ANKRD55: variants seen among roughly 807,000 people sequenced by gnomAD.
The protein encoded by ANKRD55 is ankyrin repeat domain 55, also known as ankyrin repeat domain-containing protein 55.
In ANKRD55, 41 loss-of-function variants were observed where a neutral mutation model predicts 60.6. The ratio of observed to expected loss-of-function variants is 0.68; its 90% CI spans 0.53 to 0.88. The LOEUF is 0.88. Ranked by LOEUF, ANKRD55 falls within the 40% of genes least tolerant of loss-of-function variation. The pLI, the probability that ANKRD55 is intolerant of heterozygous loss-of-function variation, is 0.00. For missense variants in ANKRD55, 732 were observed against 767.6 expected (o/e 0.95, Z 0.55); for synonymous variants, 264 against 290.3 (o/e 0.91, Z 0.92).
intron 5 of ANKRD55, among the ~76,000 whole-genome samples, chr5:56,167,633 G>A (rs1486248584): frequency 2.0e-5 from 3 of 152,202 alleles, no homozygotes. Flanking sequence ...TTCAGAATCA[G>A]TTAAGGGCTT....
At position 56,135,278 on chromosome 5, in the gene ANKRD55, CCCTGCCTGCCTGCTTG is replaced by C. The variant is rs1250885481; in HGVS notation, c.613-8188_613-8173del. On this transcript the variant is annotated intron_variant, in intron 7 of 11. Coordinates refer to ENST00000341048, the MANE Select transcript of ANKRD55 (RefSeq NM_024669.3). Reference sequence around the variant, plus strand: ...TCCTTCCTTCTTTCCCTCCCTCCCTCCCTGCCTGCCTGCTTGCTTTCTTTCTTTCTTTCTTTCTTTC... The same window carrying C: ...TCCTTCCTTCTTTCCCTCCCTCCCTCCTTTCTTTCTTTCTTTCTTTCTTTC... Among the ~76,000 whole-genome samples the C allele has an allele frequency of 3.0e-3, 230 of 77,026 alleles. 8 individuals are homozygous for C. Among genetic ancestry groups the C allele is most frequent in the Admixed American group, 0.017 (127 of 7,694 alleles). 50.5% of individuals were successfully genotyped at this position (77,026 alleles called of 152,430 possible).
At chr5:56,198,535 T>G (rs1759280681) in intron 2 of ANKRD55, among the ~76,000 whole-genome samples, 1 of 152,024 alleles carries the variant, frequency 6.6e-6, no homozygotes. Context: ...TCCGCCTGCC[T>G]CAGCCTCCCA....
chr5:56,178,925 CT>C (rs1404069946), intron 3 of ANKRD55, among the ~76,000 whole-genome samples: 6 of 124,106 alleles, frequency 4.8e-5, no homozygotes, highest in Admixed American at 7.7e-5. Flanking sequence ...ATTTGGGAAA[CT>C]CTTACATACT....
intron 8 of ANKRD55, among the ~76,000 whole-genome samples, chr5:56,118,548 G>A (rs560558244): frequency 4.0e-5 from 6 of 151,148 alleles, no homozygotes; most frequent in East Asian, 2.0e-4. Context: ...GGTGTGAACC[G>A]GGGAGGCAGA....
At chr5:56,105,377 G>A (rs1309041218) in intron 10 of ANKRD55, among the ~76,000 whole-genome samples, 5 of 152,150 alleles carry the variant, frequency 3.3e-5, no homozygotes, top group African/African-American at 1.2e-4. Context: ...GTGAGCCACC[G>A]TGCCCGGCCA....
At chr5:56,123,781 G>A (rs1757150414) in intron 8 of ANKRD55, among the ~76,000 whole-genome samples, 1 of 152,148 alleles carries the variant, frequency 6.6e-6, no homozygotes, top group Non-Finnish European at 1.5e-5. Flanking sequence ...AACGAGGGGA[G>A]CATATAGATA....
At chr5:56,174,905 A>G (rs1364476245) in intron 4 of ANKRD55, among the ~76,000 whole-genome samples, 4 of 151,752 alleles carry the variant, frequency 2.6e-5, no homozygotes, top group African/African-American at 9.7e-5. Flanking sequence ...CAACTACCCC[A>G]GTCCTGCTCC....
intron 7 of ANKRD55, among the ~76,000 whole-genome samples, chr5:56,140,937 C>A (rs140401619): frequency 1.3e-5 from 2 of 151,948 alleles, no homozygotes; most frequent in African/African-American, 4.8e-5. Flanking sequence ...GTGGTGTGTG[C>A]CTGTAATTCC....
At chr5:56,172,528 A>C (rs2111816075) in intron 4 of ANKRD55, among the ~76,000 whole-genome samples, 1 of 152,292 alleles carries the variant, frequency 6.6e-6, no homozygotes, top group Non-Finnish European at 1.5e-5. Context: ...CACTTTTAAA[A>C]ATCATATTGC....
chr5:56,125,979 C>G (rs1757241094), intron 8 of ANKRD55, among the ~76,000 whole-genome samples: 1 of 151,812 alleles, frequency 6.6e-6, no homozygotes, highest in Admixed American at 6.6e-5. Context: ...AATAAAAATA[C>G]AAAAGTAAGC....
At chr5:56,208,993 T>G (rs1759589335) in intron 2 of ANKRD55, among the ~76,000 whole-genome samples, 1 of 152,058 alleles carries the variant, frequency 6.6e-6, no homozygotes, top group Non-Finnish European at 1.5e-5. Context: ...AGTCTCGCTC[T>G]GTCACCCAGG....
At chr5:56,142,890 GA>G (rs1204112977) in intron 7 of ANKRD55, among the ~76,000 whole-genome samples, 1 of 152,208 alleles carries the variant, frequency 6.6e-6, no homozygotes, top group African/African-American at 2.4e-5. Flanking sequence ...CAGAGAAACT[GA>G]AGCCAAGGTT....
intron 7 of ANKRD55, among the ~76,000 whole-genome samples, chr5:56,131,744 C>T (rs1262626089): frequency 6.8e-5 from 9 of 132,230 alleles, no homozygotes; most frequent in Non-Finnish European, 1.2e-4. Flanking sequence ...TGCAGTGAGC[C>T]GAGATCGCGC....
chr5:56,132,868 ATATAT>A (rs201299594), intron 7 of ANKRD55, among the ~76,000 whole-genome samples: 2,510 of 152,330 alleles, frequency 0.016, 41 homozygotes, highest in Admixed American at 0.041. Context: ...AGGAGTAGCT[ATATAT>A]TATAATTCTA....
chr5:56,211,712 G>C (rs903923711), intron 2 of ANKRD55, among the ~76,000 whole-genome samples: 1 of 152,198 alleles, frequency 6.6e-6, no homozygotes, highest in African/African-American at 2.4e-5. Flanking sequence ...ACGGCAGCTT[G>C]TACCCTTCTT....
chr5:56,166,169 C>T (rs1277360664), intron 5 of ANKRD55, among the ~76,000 whole-genome samples: 671 of 60,414 alleles, frequency 0.011, 1 homozygote, highest in South Asian at 0.015. Flanking sequence ...TTCCTTCCTT[C>T]CTTCCTTCCT....
intron 5 of ANKRD55, among the ~76,000 whole-genome samples, chr5:56,168,880 G>A (rs1025379865): frequency 2.0e-5 from 3 of 152,168 alleles, no homozygotes; most frequent in Non-Finnish European, 2.9e-5. Context: ...TTTTTGAGAC[G>A]AAGTCTCACT....
intron 10 of ANKRD55, 112 bp downstream of exon 10, chr5:56,111,006 T>G (rs1255346908): frequency 6.8e-6 from 9 of 1,318,850 alleles, no homozygotes; most frequent in Non-Finnish European, 9.4e-6. Flanking sequence ...TCACTCATTT[T>G]ATTCTCACCC....
chr5:56,151,825 A>AATC (rs200393900), intron 6 of ANKRD55, among the ~76,000 whole-genome samples: 21 of 28,296 alleles, frequency 7.4e-4, no homozygotes, highest in Non-Finnish European at 1.3e-3. Flanking sequence ...AAAAAAAAAA[A>AATC]TCTATATATA....
Sources: allele counts gnomAD v4.1 joint callset (sites outside exome capture counted in the v4.1 genomes callset), GRCh38; gene constraint gnomAD v4.1.1; transcripts MANE v1.5; gene names NCBI Gene and HGNC (gene_info 2026-07-23, HGNC 2026-07-21).